GDI2: variants seen among roughly 807,000 people sequenced by gnomAD.
GDI2 encodes the protein rab GDP dissociation inhibitor beta.
In GDI2, 22 loss-of-function variants were observed where a neutral mutation model predicts 54.2. The observed-to-expected ratio is 0.41, with a 90% CI of 0.29 to 0.58. The LOEUF (loss-of-function observed/expected upper bound fraction) is 0.58. Among genes scored for constraint, GDI2 ranks in the 20% least tolerant of loss-of-function variants. The probability of loss-of-function intolerance (pLI) is 0.35; values close to 1 mark genes in which losing one functional copy is unlikely to be tolerated. For missense variants in GDI2, 422 were observed against 546.0 expected (o/e 0.77, Z 2.26); for synonymous variants, 177 against 182.1 (o/e 0.97, Z 0.23).
At chr10:5,791,735 C>A (rs1285847807) in intron 4 of GDI2, among the ~76,000 whole-genome samples, 1 of 130,368 alleles carries the variant, frequency 7.7e-6, no homozygotes, top group African/African-American at 2.8e-5. Flanking sequence ...AGCGAAACTC[C>A]GTCTCAAAAA....
intron 1 of GDI2, chr10:5,811,960 TAA>T (rs146282355): frequency 0.023 from 14,869 of 652,802 alleles, no homozygotes; most frequent in South Asian, 0.033. Flanking sequence ...ATGTTACCTG[TAA>T]AAAAAAAAAA....
chr10:5,793,121 A>C (rs1296864847), intron 4 of GDI2, among the ~76,000 whole-genome samples: 1 of 152,040 alleles, frequency 6.6e-6, no homozygotes, highest in Non-Finnish European at 1.5e-5. Context: ...CAGCCTCCAC[A>C]ATACCTGGGA....
rs1840327680 is a variant in GDI2 at position 5,766,231 on chromosome 10, C to G, written c.1191+10G>C. ...AACCTGCCCATATCCTTTCACACTT[C>G]CATACTCACCTGGCTTTCTGTTCCC... On this transcript the variant is annotated intron_variant, in intron 10 of 10. Transcript: ENST00000380191. The surrounding 1 kb of genome is among the most constrained non-coding windows in gnomAD (Gnocchi z 5.8). The G allele has an allele frequency of 3.1e-6, 5 of 1,612,128 alleles. No individual in the cohort carries two copies. In the Admixed American group the frequency reaches 6.7e-5, roughly 21 times the overall value.
intron 6 of GDI2, among the ~76,000 whole-genome samples, chr10:5,778,130 T>G (rs1290572982): frequency 1.3e-5 from 2 of 152,094 alleles, no homozygotes; most frequent in Admixed American, 6.5e-5. Flanking sequence ...CACCGGGGCC[T>G]GTCAGGGGAT....
At chr10:5,784,333 T>A (rs1335632654) in intron 6 of GDI2, among the ~76,000 whole-genome samples, 1 of 152,226 alleles carries the variant, frequency 6.6e-6, no homozygotes, top group Non-Finnish European at 1.5e-5. Flanking sequence ...ATATCCTGTA[T>A]CACTTTTTTT....
Position 5,776,908 on chromosome 10 carries a change from C to CA in GDI2, c.720-2968dup, listed in dbSNP as rs763777593. 8.0e-6 allele frequency: 6 copies of CA among 751,986 alleles called. No individual in the cohort carries two copies. The highest frequency in any genetic ancestry group is 1.3e-5 in the Non-Finnish European group (6 of 475,526). The allele number at this position is 751,986 out of a possible 1,614,324, so 46.6% of individuals were successfully genotyped here. ...GGGAGAAGAGGAAATAATGCGAAAA[C>CA]AGTTAATCCAGCAAAAAAATTAAAA... On this transcript the variant is annotated intron_variant, in intron 6 of 10. Coordinates refer to ENST00000380191, the MANE Select transcript of GDI2 (RefSeq NM_001494.4). The surrounding 1 kb of genome is among the most constrained non-coding windows in gnomAD (Gnocchi z 5.3).
intron 6 of GDI2, among the ~76,000 whole-genome samples, chr10:5,778,052 G>A (rs760844247): frequency 5.9e-5 from 9 of 152,204 alleles, no homozygotes; most frequent in Non-Finnish European, 1.0e-4. Flanking sequence ...ACCAAATACC[G>A]CATGTTCTCA....
Position 5,768,731 on chromosome 10 carries a change from A to C in GDI2, c.820-347T>G. On this transcript the variant is annotated intron_variant, in intron 7 of 10. Transcript: ENST00000380191. This position sits in a 1 kb window ranked among gnomAD's most constrained non-coding sequence, Gnocchi z 4.4. ...TTGCAAAGACCATTCAATGAGGGGA[A>C]AAAAAGTCATTTCAACAAACCGTCC... 1 of 179,392 alleles carries C rather than the reference A, an allele frequency of 5.6e-6. No homozygotes were observed. Among genetic ancestry groups the C allele is most frequent in the Non-Finnish European group, 1.2e-5 (1 of 85,982 alleles). The allele number at this position is 179,392 out of a possible 1,614,324, so 11.1% of individuals were successfully genotyped here.
chr10:5,783,971 T>G (rs1288333649), intron 6 of GDI2, among the ~76,000 whole-genome samples: 1 of 152,232 alleles, frequency 6.6e-6, no homozygotes, highest in Non-Finnish European at 1.5e-5. Context: ...TTCTTGTATT[T>G]GGATGTCTAG....
chr10:5,811,840 G>C, intron 1 of GDI2: 1 of 553,618 alleles, frequency 1.8e-6, no homozygotes, highest in Non-Finnish European at 3.0e-6. Context: ...AAAAATGACA[G>C]ACCAGAAAAA....
chr10:5,780,898 C>T lies in GDI2; in HGVS notation c.719+4244G>A, dbSNP rs117244976. Among the ~76,000 whole-genome samples the T allele has an allele frequency of 9.1e-3, 1,380 of 152,206 alleles. 7 individuals carry two copies. Among genetic ancestry groups the T allele is most frequent in the Non-Finnish European group, 0.014 (931 of 68,016 alleles). On this transcript the variant is annotated intron_variant, in intron 6 of 10. Transcript: ENST00000380191. ...AAGCATGTTTTCTAGAAATTGACAACCTGATTTTAAAAACGTATATGGAAA... is the reference window on the plus strand; with the variant it reads ...AAGCATGTTTTCTAGAAATTGACAATCTGATTTTAAAAACGTATATGGAAA...
intron 4 of GDI2, among the ~76,000 whole-genome samples, chr10:5,792,152 C>T (rs746642963): frequency 6.6e-6 from 1 of 152,120 alleles, no homozygotes; most frequent in Non-Finnish European, 1.5e-5. Flanking sequence ...GCTTTATATA[C>T]CGTAAGAATA....
intron 2 of GDI2, among the ~76,000 whole-genome samples, chr10:5,797,543 C>CAAAAAAA (rs772570487): frequency 2.2e-5 from 1 of 45,356 alleles, no homozygotes; most frequent in African/African-American, 9.4e-5. Context: ...GACTCCATCT[C>CAAAAAAA]AAAAAAAAAA....
chr10:5,780,476 T>C (rs1840732213), intron 6 of GDI2, among the ~76,000 whole-genome samples: 2 of 152,164 alleles, frequency 1.3e-5, no homozygotes, highest in South Asian at 4.1e-4. Context: ...AGAATCTCTT[T>C]ATTCACAGAT....
intron 1 of GDI2, among the ~76,000 whole-genome samples, chr10:5,809,769 G>A (rs1025437084): frequency 2.6e-5 from 4 of 152,206 alleles, no homozygotes; most frequent in Non-Finnish European, 5.9e-5. Flanking sequence ...CAGGTACCAT[G>A]GGAGGGAAGA....
intron 4 of GDI2, among the ~76,000 whole-genome samples, chr10:5,786,631 A>T (rs2131699675): frequency 6.6e-6 from 1 of 152,262 alleles, no homozygotes; most frequent in African/African-American, 2.4e-5. Flanking sequence ...ATGTCAAATT[A>T]TGTTTCTTAC....
chr10:5,775,844 G>A (rs1840607491), intron 6 of GDI2, among the ~76,000 whole-genome samples: 1 of 152,212 alleles, frequency 6.6e-6, no homozygotes, highest in African/African-American at 2.4e-5. Context: ...ATGGCACCGT[G>A]CGTGGCAGCA....
intron 8 of GDI2, among the ~76,000 whole-genome samples, chr10:5,767,326 T>TTG (rs765793062): frequency 3.0e-4 from 45 of 151,938 alleles, no homozygotes; most frequent in Non-Finnish European, 4.9e-4. Context: ...TGGTTTTTTT[T>TTG]TGTGTTTTAA....
At chr10:5,772,239 G>C (rs1840507116) in intron 7 of GDI2, among the ~76,000 whole-genome samples, 1 of 152,212 alleles carries the variant, frequency 6.6e-6, no homozygotes, top group Non-Finnish European at 1.5e-5. Flanking sequence ...GCTGAGTGAA[G>C]TTTGTTGGAC....
Sources: gnomAD v4.1 joint callset for allele counts (sites outside exome capture counted in the v4.1 genomes callset) on GRCh38, gnomAD v4.1.1 for gene constraint, Gnocchi (gnomAD v3.1) non-coding constraint, MANE v1.5 for transcripts, NCBI Gene and HGNC (gene_info 2026-07-23, HGNC 2026-07-21) for gene names.